Variants in CHPF2 observed in about 807,000 individuals in gnomAD.
CHPF2 encodes chondroitin polymerizing factor 2, also known as chondroitin polymerizing factor 2, non-catalytic subunit.
A neutral mutation model predicts 63.0 loss-of-function variants in CHPF2; 58 were observed. The observed-to-expected ratio is 0.92, with a 90% CI of 0.75 to 1.15. CHPF2 has a LOEUF of 1.15. Ranked by LOEUF, CHPF2 falls within the 50% of genes most tolerant of loss-of-function variation. CHPF2 has a pLI of 0.00. For missense variants in CHPF2, 1,045 were observed against 1,035.4 expected (o/e 1.01, Z -0.13); for synonymous variants, 442 against 438.0 (o/e 1.01, Z -0.11).
At chr7:151,236,659 G>A in intron 3 of CHPF2, 69 bp downstream of exon 3, 1 of 1,396,402 alleles carries the variant, frequency 7.2e-7, no homozygotes. Context: ...GAGATGTCCA[G>A]GCGTGCAATG....
In CHPF2 at chr7:151,238,507, C is replaced by T. The variant is rs1802772313; in HGVS notation, c.2145C>T (p.His715=). The T allele has an allele frequency of 6.2e-7, 1 of 1,601,188 alleles. No individual in the cohort carries two copies. Among genetic ancestry groups the T allele is most frequent in the Non-Finnish European group, 8.5e-7 (1 of 1,171,864 alleles). The change falls in exon 4 of 4, where the codon CAC becomes CAT. Residue 715 remains histidine, a synonymous_variant. Coordinates refer to ENST00000035307, the MANE Select transcript of CHPF2 (RefSeq NM_019015.3). The stretch of plus-strand genomic sequence containing the variant: ...TTTTCCTCCGGTTCTCAGGGCTCCA[C>T]CTCTTTCGGGCCGTAGAGCCAGGGC... ...MDVFLRFSGL[H]LFRAVEPGLV...
At chr7:151,236,371 TTG>T (rs770141002) in intron 2 of CHPF2, 35 bp from the exon 3 acceptor site, 25 of 1,526,706 alleles carry the variant, frequency 1.6e-5, no homozygotes, top group Middle Eastern at 3.5e-4. Context: ...CTGGCAGCTC[TTG>T]TGTGTGTCAT....
rs143186064 is a variant in CHPF2, at chr7:151,235,206, G to C, written c.422G>C (p.Arg141Pro). 6 of 1,613,022 alleles carry C rather than the reference G, an allele frequency of 3.7e-6. No individual in the cohort carries two copies. The South Asian group carries it at 5.5e-5, about 15-fold the overall frequency. The change falls in exon 2 of 4, where the codon CGG becomes CCG. Residue 141 changes from arginine (R) to proline (P), a missense_variant. Coordinates refer to ENST00000035307, the MANE Select transcript of CHPF2 (RefSeq NM_019015.3). ...LLYFTGQRGA[R>P]APAGMQVVSH... Reference sequence around the variant, plus strand: ...TACTTCACTGGGCAGCGGGGGGCCCGGGCTCCAGCAGGGATGCAGGTGGTG... The same window carrying C: ...TACTTCACTGGGCAGCGGGGGGCCCCGGCTCCAGCAGGGATGCAGGTGGTG...
Position 151,234,160 on chromosome 7 carries a change from G to C in CHPF2, c.149G>C (p.Gly50Ala). 6.2e-7 allele frequency: 1 copy of C among 1,613,740 alleles called. No individual in the cohort carries two copies. ...DPCVEAVGER[G>A]GPQNPDSRAR... ...TGTGTCGAGGCTGTAGGGGAGCGAGGAGGGCCACAGAATCCAGATTCCAGA... is the reference window on the plus strand; with the variant it reads ...TGTGTCGAGGCTGTAGGGGAGCGAGCAGGGCCACAGAATCCAGATTCCAGA... Residue 50 changes from glycine (G) to alanine (A), a missense_variant, in exon 1 of 4, where the codon GGA becomes GCA. Physicochemically the swap from Gly to Ala is moderately conservative, Grantham distance 60. Transcript: ENST00000035307.
chr7:151,236,980 T>A, intron 3 of CHPF2: 1 of 525,286 alleles, frequency 1.9e-6, no homozygotes, highest in Non-Finnish European at 3.7e-6. Context: ...AGCCCAAGGG[T>A]AGAAGGGAGA....
chr7:151,232,972 G>A lies in CHPF2; in HGVS notation c.-1040G>A. On this transcript the variant is annotated 5_prime_UTR_variant, in exon 1 of 4. Transcript: ENST00000035307. ...GACTCGCGTCGGGTCTTCGTTCTAG[G>A]GCTAGACTTGGTCTCTGATCGCCGA... The A allele has an allele frequency of 4.6e-6, 6 of 1,312,646 alleles. No homozygotes were observed. In the South Asian group the frequency reaches 6.2e-5, roughly 14 times the overall value. 81.3% of individuals were successfully genotyped at this position (1,312,646 alleles called of 1,614,324 possible). A position where few individuals can be genotyped will look rare whatever the true frequency, so the allele number is the denominator to read the frequency against.
intron 3 of CHPF2, chr7:151,236,930 A>T (rs1802674091): frequency 1.9e-6 from 1 of 529,484 alleles, no homozygotes; most frequent in African/African-American, 1.9e-5. Flanking sequence ...GAGGAGGCAA[A>T]AACTCTGAAG....
intron 1 of CHPF2, 98 bp downstream of exon 1, chr7:151,234,372 C>T (rs1802565282): frequency 5.8e-6 from 5 of 869,426 alleles, no homozygotes; most frequent in South Asian, 3.0e-5. Flanking sequence ...CGGCGTCGGG[C>T]GACTTGGAGC....
At chr7:151,236,307 AC>A (rs1390622064) in intron 2 of CHPF2, 100 bp from the exon 3 acceptor site, 1 of 1,051,272 alleles carries the variant, frequency 9.5e-7, no homozygotes, top group Non-Finnish European at 1.4e-6. Flanking sequence ...CTCTGTTCTA[AC>A]GCAGCAGTGC....
At position 151,238,348 on chromosome 7, in the gene CHPF2, G is replaced by T. The variant is rs768482871; in HGVS notation, c.1986G>T (p.Gly662=). ...CCTCCCGGGGGGCTCCTATAGGGGGGAGATTTGACCGGCAGGCTTCTGCGG... is the reference window on the plus strand; with the variant it reads ...CCTCCCGGGGGGCTCCTATAGGGGGTAGATTTGACCGGCAGGCTTCTGCGG... ...ADPSRGAPIG[G]RFDRQASAEG... Residue 662 remains glycine, a synonymous_variant, in exon 4 of 4, where the codon GGG becomes GGT. Coordinates refer to ENST00000035307, the MANE Select transcript of CHPF2 (RefSeq NM_019015.3). 6.2e-7 allele frequency: 1 copy of T among 1,609,546 alleles called. No individual in the cohort carries two copies. Among genetic ancestry groups the T allele is most frequent in the Admixed American group, 1.7e-5 (1 of 59,808 alleles).
Position 151,233,743 on chromosome 7 carries a change from G to A in CHPF2, c.-269G>A. 8.4e-7 allele frequency: 1 copy of A among 1,190,400 alleles called. No homozygotes were observed. The highest frequency in any genetic ancestry group is 1.0e-6 in the Non-Finnish European group (1 of 961,824). 73.7% of individuals were successfully genotyped at this position (1,190,400 alleles called of 1,614,324 possible). A position where few individuals can be genotyped will look rare whatever the true frequency, so the allele number is the denominator to read the frequency against. ...GACAGACCATAATCCCAGTGTGAGTGAAATTGATTGTTTCATTTATTACCG... is the reference window on the plus strand; with the variant it reads ...GACAGACCATAATCCCAGTGTGAGTAAAATTGATTGTTTCATTTATTACCG... On this transcript the variant is annotated 5_prime_UTR_variant, in exon 1 of 4. Coordinates refer to ENST00000035307, the MANE Select transcript of CHPF2 (RefSeq NM_019015.3).
At chr7:151,237,173 G>A (rs910542975) in intron 3 of CHPF2, 7 of 618,810 alleles carry the variant, frequency 1.1e-5, no homozygotes, top group African/African-American at 3.7e-5. Flanking sequence ...TTTGTGTAAG[G>A]TGAGTATGAT....
chr7:151,232,635 C>T lies in CHPF2; in HGVS notation c.-1377C>T. Reference sequence around the variant, plus strand: ...GCTCTTGGTCCCCACGCCTCCGCCCCGCCCCCTCCCGGGACGCCGGGAGAC... The same window carrying T: ...GCTCTTGGTCCCCACGCCTCCGCCCTGCCCCCTCCCGGGACGCCGGGAGAC... On this transcript the variant is annotated 5_prime_UTR_variant, in exon 1 of 4. Transcript: ENST00000035307. The T allele has an allele frequency of 1.1e-6, 1 of 945,488 alleles. No individual in the cohort carries two copies. Among genetic ancestry groups the T allele is most frequent in the African/African-American group, 1.7e-5 (1 of 57,216 alleles). The allele number at this position is 945,488 out of a possible 1,614,324, so 58.6% of individuals were successfully genotyped here. A position where few individuals can be genotyped will look rare whatever the true frequency, so the allele number is the denominator to read the frequency against.
At position 151,237,655 on chromosome 7, in the gene CHPF2, C is replaced by G. The variant is rs762806980; in HGVS notation, c.1293C>G (p.Asn431Lys). 1 of 1,613,152 alleles carries G rather than the reference C, an allele frequency of 6.2e-7. No homozygotes were observed. Among genetic ancestry groups the G allele is most frequent in the African/African-American group, 1.3e-5 (1 of 74,948 alleles). The change falls in exon 4 of 4, where the codon AAC (asparagine) becomes AAG (lysine). Residue 431 changes from asparagine (N) to lysine (K), a missense_variant. By Grantham distance (94) the Asn-to-Lys change is moderately conservative. Coordinates refer to ENST00000035307, the MANE Select transcript of CHPF2 (RefSeq NM_019015.3). ...GCTTCCAGAAGCAGCGACTGCTCAA[C>G]GGCTATCGGCGCTTCGACCCAGCAC... is the stretch of plus-strand genomic sequence containing the variant. ...RLRFQKQRLL[N>K]GYRRFDPARG...
At position 151,235,606 on chromosome 7, in the gene CHPF2, G is replaced by A. The variant is rs577117401; in HGVS notation, c.822G>A (p.Gln274=). 3 of 1,603,012 alleles carry A rather than the reference G, an allele frequency of 1.9e-6. No homozygotes were observed. The highest frequency in any genetic ancestry group is 2.6e-6 in the Non-Finnish European group (3 of 1,176,002). The change falls in exon 2 of 4, where the codon CAG becomes CAA. Residue 274 remains glutamine, a synonymous_variant. Coordinates refer to ENST00000035307, the MANE Select transcript of CHPF2 (RefSeq NM_019015.3). ...CTCTGGGCGTCGGCTGTGTCTCACAGCACCAGGTGACAGCTCTTTCAAGTC... is the reference window on the plus strand; with the variant it reads ...CTCTGGGCGTCGGCTGTGTCTCACAACACCAGGTGACAGCTCTTTCAAGTC... The part of the protein sequence containing the change: ...IDSLGVGCVS[Q]HQGQQYRSFE...
rs1342559893 is a variant in CHPF2 at position 151,238,513 on chromosome 7, T to C, written c.2151T>C (p.Phe717=). 6.2e-7 allele frequency: 1 copy of C among 1,603,424 alleles called. No individual in the cohort carries two copies. The highest frequency in any genetic ancestry group is 1.7e-5 in the Admixed American group (1 of 59,290). ...VFLRFSGLHL[F]RAVEPGLVQK... Reference sequence around the variant, plus strand: ...TCCGGTTCTCAGGGCTCCACCTCTTTCGGGCCGTAGAGCCAGGGCTGGTGC... The same window carrying C: ...TCCGGTTCTCAGGGCTCCACCTCTTCCGGGCCGTAGAGCCAGGGCTGGTGC... Residue 717 remains phenylalanine, a synonymous_variant, in exon 4 of 4, where the codon TTT becomes TTC. Coordinates refer to ENST00000035307, the MANE Select transcript of CHPF2 (RefSeq NM_019015.3).
chr7:151,232,984 T>C lies in CHPF2; in HGVS notation c.-1028T>C. 1 of 1,288,204 alleles carries C rather than the reference T, an allele frequency of 7.8e-7. No homozygotes were observed. Among genetic ancestry groups the C allele is most frequent in the Non-Finnish European group, 9.8e-7 (1 of 1,017,030 alleles). 79.8% of individuals were successfully genotyped at this position (1,288,204 alleles called of 1,614,324 possible). On this transcript the variant is annotated 5_prime_UTR_variant, in exon 1 of 4. Transcript: ENST00000035307. ...GTCTTCGTTCTAGGGCTAGACTTGGTCTCTGATCGCCGAGAGGTAGCGCAG... is the reference window on the plus strand; with the variant it reads ...GTCTTCGTTCTAGGGCTAGACTTGGCCTCTGATCGCCGAGAGGTAGCGCAG...
Position 151,236,603 on chromosome 7 carries a change from G to T in CHPF2, c.1011+13G>T. 3 of 1,552,988 alleles carry T rather than the reference G, an allele frequency of 1.9e-6. No homozygotes were observed. Among genetic ancestry groups the T allele is most frequent in the East Asian group, 2.3e-5 (1 of 43,478 alleles). Reference sequence around the variant, plus strand: ...AGAACAACTGCAGGTGAGCTGAAGAGGAGCAGGTGGGCAGAGGACCGCAGT... The same window carrying T: ...AGAACAACTGCAGGTGAGCTGAAGATGAGCAGGTGGGCAGAGGACCGCAGT... On this transcript the variant is annotated intron_variant, in intron 3 of 3. Coordinates refer to ENST00000035307, the MANE Select transcript of CHPF2 (RefSeq NM_019015.3).
chr7:151,232,557 G>C lies in CHPF2; in HGVS notation c.-1455G>C. The C allele has an allele frequency of 1.9e-6, 1 of 531,376 alleles. No homozygotes were observed. The highest frequency in any genetic ancestry group is 3.3e-6 in the Non-Finnish European group (1 of 307,174). The allele number at this position is 531,376 out of a possible 1,614,324, so 32.9% of individuals were successfully genotyped here. A position where few individuals can be genotyped will look rare whatever the true frequency, so the allele number is the denominator to read the frequency against. ...GAGCCGGCGCCTCAGCGGGCACTGG[G>C]GTCTGTTCCCCCTTCCCCGTCCCTG... On this transcript the variant is annotated 5_prime_UTR_variant, in exon 1 of 4. Coordinates refer to ENST00000035307, the MANE Select transcript of CHPF2 (RefSeq NM_019015.3).
Sources: gnomAD v4.1 joint callset for allele counts on GRCh38, gnomAD v4.1.1 for gene constraint, MANE v1.5 for transcripts, NCBI Gene and HGNC (gene_info 2026-07-23, HGNC 2026-07-21) for gene names.